SEMA3D: variants seen among roughly 807,000 people sequenced by gnomAD.
The protein encoded by SEMA3D is semaphorin-3D.
Under a neutral mutation model 100.1 loss-of-function variants are expected in SEMA3D, and 84 were observed. The observed-to-expected ratio is 0.84, with a 90% CI of 0.70 to 1.01. The LOEUF is 1.01. Among genes scored for constraint, SEMA3D ranks in the 50% least tolerant of loss-of-function variants. The probability of loss-of-function intolerance (pLI) is 0.00; values close to 1 mark genes in which losing one functional copy is unlikely to be tolerated. For missense variants in SEMA3D, 875 were observed against 934.1 expected (o/e 0.94, Z 0.82); for synonymous variants, 312 against 320.7 (o/e 0.97, Z 0.29).
At chr7:85,177,943 T>C (rs1328684959) in intron 1 of SEMA3D, among the ~76,000 whole-genome samples, 11 of 151,896 alleles carry the variant, frequency 7.2e-5, no homozygotes, top group Admixed American at 6.6e-4. Flanking sequence ...TCATGGGAGG[T>C]GATTAGGTCA....
chr7:85,029,478 C>A, intron 12 of SEMA3D: 1 of 702,632 alleles, frequency 1.4e-6, no homozygotes, highest in South Asian at 1.4e-5. Context: ...TTAGCAAGTG[C>A]CATGAAATTA....
chr7:85,086,643 T>C (rs1332089889), intron 4 of SEMA3D, among the ~76,000 whole-genome samples: 1 of 151,544 alleles, frequency 6.6e-6, no homozygotes, highest in African/African-American at 2.4e-5. Context: ...TGTGTGTGTG[T>C]GTGTGTGTGT....
chr7:85,231,713 G>T, the SEMA3D span, among the ~76,000 whole-genome samples: 3 of 152,068 alleles, frequency 2.0e-5, no homozygotes, highest in African/African-American at 7.2e-5. Flanking sequence ...GCCTCCCAAA[G>T]TGCTGGGATT....
intron 1 of SEMA3D, chr7:85,167,524 TG>T (rs1790940654): frequency 3.6e-6 from 1 of 278,038 alleles, no homozygotes; most frequent in African/African-American, 2.3e-5. Context: ...CTTAATTTAT[TG>T]TTATAAATAC....
chr7:85,160,643 G>A (rs989166820), intron 1 of SEMA3D, among the ~76,000 whole-genome samples: 27 of 152,040 alleles, frequency 1.8e-4, no homozygotes, highest in African/African-American at 6.0e-4. Flanking sequence ...CAGGACTGGT[G>A]GGACTGCACC....
the SEMA3D span, among the ~76,000 whole-genome samples, chr7:85,225,350 C>T: frequency 6.6e-6 from 1 of 150,734 alleles, no homozygotes; most frequent in Non-Finnish European, 1.5e-5. Flanking sequence ...TCTTCATGAA[C>T]AATTCAGATC....
At chr7:85,156,544 G>T (rs189613682) in intron 1 of SEMA3D, among the ~76,000 whole-genome samples, 1 of 151,904 alleles carries the variant, frequency 6.6e-6, no homozygotes, top group Non-Finnish European at 1.5e-5. Flanking sequence ...AAATAATATC[G>T]CTTTAAGACC....
intron 2 of SEMA3D, among the ~76,000 whole-genome samples, chr7:85,124,824 T>C (rs1260213946): frequency 3.3e-5 from 5 of 152,084 alleles, no homozygotes; most frequent in Non-Finnish European, 1.5e-5. Context: ...AACTCTTAAA[T>C]TTGGCTCTGC....
chr7:85,125,021 A>G (rs1000260821), intron 2 of SEMA3D, among the ~76,000 whole-genome samples: 1 of 152,152 alleles, frequency 6.6e-6, no homozygotes, highest in Non-Finnish European at 1.5e-5. Flanking sequence ...TGATTGCAGC[A>G]GACTCACAGC....
At chr7:85,200,421 G>C in the SEMA3D span, among the ~76,000 whole-genome samples, 233 of 152,288 alleles carry the variant, frequency 1.5e-3, no homozygotes, top group African/African-American at 5.4e-3. Flanking sequence ...TTATGTTTTA[G>C]CAAAGAGCCT....
At chr7:85,074,108 A>G (rs780091026) in intron 5 of SEMA3D, among the ~76,000 whole-genome samples, 1 of 152,174 alleles carries the variant, frequency 6.6e-6, no homozygotes, top group African/African-American at 2.4e-5. Context: ...CTTGGATCCA[A>G]TGACACCTAA....
chr7:85,138,596 G>A (rs1173931507), intron 2 of SEMA3D, among the ~76,000 whole-genome samples: 1 of 144,958 alleles, frequency 6.9e-6, no homozygotes, highest in African/African-American at 2.5e-5. Context: ...TCCATTTTGT[G>A]CCTCCCTTTT....
At chr7:85,007,657 A>G (rs1789836723) in intron 17 of SEMA3D, among the ~76,000 whole-genome samples, 2 of 151,810 alleles carry the variant, frequency 1.3e-5, no homozygotes, top group African/African-American at 2.4e-5. Context: ...TTCCATCTAG[A>G]GTAGCCAAAG....
intron 4 of SEMA3D, among the ~76,000 whole-genome samples, chr7:85,095,759 A>G (rs1197601338): frequency 2.6e-5 from 4 of 152,062 alleles, no homozygotes; most frequent in African/African-American, 9.7e-5. Flanking sequence ...ATATAAAGAA[A>G]TATCAGTTAT....
chr7:85,202,381 A>T, the SEMA3D span, among the ~76,000 whole-genome samples: 2 of 151,836 alleles, frequency 1.3e-5, no homozygotes, highest in Non-Finnish European at 2.9e-5. Flanking sequence ...CTACAAAGGA[A>T]ATGAACTCAT....
chr7:85,157,073 T>G (rs1256241711), intron 1 of SEMA3D, among the ~76,000 whole-genome samples: 1 of 150,730 alleles, frequency 6.6e-6, no homozygotes, highest in Admixed American at 6.6e-5. Flanking sequence ...AATGGCACTT[T>G]GAAATACAGA....
chr7:85,088,539 A>G (rs1490812970), intron 4 of SEMA3D, among the ~76,000 whole-genome samples: 2 of 152,102 alleles, frequency 1.3e-5, no homozygotes, highest in Admixed American at 1.3e-4. Flanking sequence ...AAAAAATGTC[A>G]CTCTGAATGC....
intron 10 of SEMA3D, chr7:85,041,952 T>C: frequency 2.0e-6 from 1 of 497,132 alleles, no homozygotes; most frequent in Non-Finnish European, 3.6e-6. Context: ...CTTCACTTAC[T>C]TTGAGGACTC....
intron 1 of SEMA3D, among the ~76,000 whole-genome samples, chr7:85,161,533 G>A (rs1231662069): frequency 1.3e-5 from 2 of 152,088 alleles, no homozygotes; most frequent in Non-Finnish European, 2.9e-5. Context: ...AGACAGGGCT[G>A]GAACTGAGGA....
Sources: gnomAD v4.1 joint callset for allele counts (sites outside exome capture counted in the v4.1 genomes callset) on GRCh38, gnomAD v4.1.1 for gene constraint, MANE v1.5 for transcripts, NCBI Gene and HGNC (gene_info 2026-07-23, HGNC 2026-07-21) for gene names.